CNTLN: variants seen among roughly 807,000 people sequenced by gnomAD.
CNTLN encodes centlein.
Under a neutral mutation model 180.0 loss-of-function variants are expected in CNTLN, and 212 were observed. The observed-to-expected ratio is 1.18, with a 90% confidence interval of 1.05 to 1.32. The LOEUF is 1.32. CNTLN is among the 40% of genes most tolerant of loss of function. The pLI, the probability that CNTLN is intolerant of heterozygous loss-of-function variation, is 0.00. For synonymous variants in CNTLN, 722 were observed against 563.1 expected, an observed-to-expected ratio of 1.28 and a Z score of -3.99; for missense variants, 2,095 against 1,610.9, an observed-to-expected ratio of 1.30 and a Z score of -5.14.
chr9:17,420,835 A>G (rs1321511555), intron 18 of CNTLN, among the ~76,000 whole-genome samples: 2 of 152,266 alleles, frequency 1.3e-5, no homozygotes, highest in Non-Finnish European at 2.9e-5. Flanking sequence ...ATTCAGGAAC[A>G]TATTGTGTAA....
At chr9:17,276,555 C>G (rs760713408) in intron 6 of CNTLN, among the ~76,000 whole-genome samples, 1 of 151,934 alleles carries the variant, frequency 6.6e-6, no homozygotes, top group Non-Finnish European at 1.5e-5. Flanking sequence ...CCATGTCACC[C>G]ATTGTGCTAA....
chr9:17,352,619 C>G (rs1320899904), intron 12 of CNTLN, among the ~76,000 whole-genome samples: 1 of 152,044 alleles, frequency 6.6e-6, no homozygotes, highest in Admixed American at 6.6e-5. Flanking sequence ...AGTGCATTCA[C>G]AGTGTTGTTT....
chr9:17,359,556 T>C (rs1564026918), intron 12 of CNTLN, among the ~76,000 whole-genome samples: 1 of 149,964 alleles, frequency 6.7e-6, no homozygotes, highest in Non-Finnish European at 1.5e-5. Flanking sequence ...AATAGAAAAA[T>C]GAGCAAAACA....
At chr9:17,232,395 T>C (rs1446405247) in intron 3 of CNTLN, among the ~76,000 whole-genome samples, 1 of 152,014 alleles carries the variant, frequency 6.6e-6, no homozygotes, top group Admixed American at 6.6e-5. Flanking sequence ...TGAATTACTA[T>C]TATAAGTTCA....
At chr9:17,258,070 G>A (rs1826647371) in intron 5 of CNTLN, among the ~76,000 whole-genome samples, 1 of 150,558 alleles carries the variant, frequency 6.6e-6, no homozygotes, top group South Asian at 2.1e-4. Context: ...TGTCCTGAAT[G>A]GTATTGCCTA....
intron 25 of CNTLN, among the ~76,000 whole-genome samples, chr9:17,502,012 G>A (rs1208574987): frequency 1.3e-5 from 2 of 152,162 alleles, no homozygotes; most frequent in Non-Finnish European, 2.9e-5. Context: ...TGCAACATGT[G>A]TATTACACTT....
intron 24 of CNTLN, 100 bp downstream of exon 24, chr9:17,484,580 G>A: frequency 1.0e-6 from 1 of 977,016 alleles, no homozygotes; most frequent in East Asian, 2.9e-5. Context: ...TCATCTTTAA[G>A]AGAGTGTTAA....
the CNTLN span, among the ~76,000 whole-genome samples, chr9:17,526,588 C>T: frequency 6.6e-6 from 1 of 152,096 alleles, no homozygotes; most frequent in Admixed American, 6.5e-5. Context: ...TCTAAATTCA[C>T]AAATATTTTT....
chr9:17,252,038 T>G (rs1826175040), intron 5 of CNTLN, among the ~76,000 whole-genome samples: 1 of 151,930 alleles, frequency 6.6e-6, no homozygotes, highest in South Asian at 2.1e-4. Flanking sequence ...TTCAGTTCCA[T>G]CCATGCTACT....
intron 5 of CNTLN, among the ~76,000 whole-genome samples, chr9:17,251,248 T>C (rs1456011603): frequency 6.6e-6 from 1 of 151,998 alleles, no homozygotes; most frequent in Admixed American, 6.6e-5. Flanking sequence ...TTGTTGATCT[T>C]ACTTGGAGTT....
At chr9:17,222,772 T>C (rs1380804311) in intron 2 of CNTLN, among the ~76,000 whole-genome samples, 1 of 152,074 alleles carries the variant, frequency 6.6e-6, no homozygotes, top group Non-Finnish European at 1.5e-5. Flanking sequence ...TACTTGATCA[T>C]TCCTTTCTAC....
intron 6 of CNTLN, among the ~76,000 whole-genome samples, chr9:17,295,987 AGAGAGAGAGAGTGTGTGTGTGTGTGT>A (rs61608273): frequency 0.14 from 17,229 of 123,824 alleles, 1,056 homozygotes; most frequent in South Asian, 0.36. Flanking sequence ...AGAGAGAGAG[AGAGAGAGAGAGTGTGTGTGTGTGTGT>A]GTGTGTGTGT....
intron 22 of CNTLN, 75 bp downstream of exon 22, chr9:17,466,193 T>A (rs1831737684): frequency 7.3e-7 from 1 of 1,376,024 alleles, no homozygotes; most frequent in African/African-American, 1.5e-5. Context: ...ACATTGTTGC[T>A]TTTTCCTTCC....
chr9:17,174,936 A>C (rs1406809231), intron 2 of CNTLN, among the ~76,000 whole-genome samples: 1 of 152,170 alleles, frequency 6.6e-6, no homozygotes, highest in African/African-American at 2.4e-5. Flanking sequence ...TTCATTTGCC[A>C]TCTGAATGTC....
chr9:17,389,879 C>T (rs1825963230), intron 14 of CNTLN, among the ~76,000 whole-genome samples: 1 of 151,916 alleles, frequency 6.6e-6, no homozygotes, highest in Admixed American at 6.6e-5. Context: ...GAGATAGGGT[C>T]CTTAAAGAGG....
rs1588126852 is a variant in CNTLN, at chr9:17,502,791, A to G, written c.*139A>G. 1 of 408,450 alleles carries G rather than the reference A, an allele frequency of 2.4e-6. No homozygotes were observed. The highest frequency in any genetic ancestry group is 2.1e-5 in the African/African-American group (1 of 47,914). 25.3% of individuals were successfully genotyped at this position (408,450 alleles called of 1,614,324 possible). A position where few individuals can be genotyped will look rare whatever the true frequency, so the allele number is the denominator to read the frequency against. ...AATACCAAAATAAGAAGTCTCTGAA[A>G]ATAATTAATTGCTGAACAAGTGAAA... On this transcript the variant is annotated 3_prime_UTR_variant, in exon 26 of 26. Transcript: ENST00000380647.
intron 13 of CNTLN, 137 bp from the exon 14 acceptor site, chr9:17,388,025 T>G: frequency 2.2e-6 from 1 of 452,276 alleles, no homozygotes; most frequent in Non-Finnish European, 3.9e-6. Flanking sequence ...ATTGTTTAGT[T>G]ACTGGCCAAA....
chr9:17,438,468 G>C (rs1829911833), intron 18 of CNTLN, among the ~76,000 whole-genome samples: 1 of 152,114 alleles, frequency 6.6e-6, no homozygotes, highest in Non-Finnish European at 1.5e-5. Context: ...TGAGTAGAAA[G>C]TTGATGATAG....
intron 8 of CNTLN, among the ~76,000 whole-genome samples, chr9:17,323,506 T>C: frequency 6.6e-6 from 1 of 152,324 alleles, no homozygotes; most frequent in Non-Finnish European, 1.5e-5. Flanking sequence ...CATCTTACTA[T>C]GGCTATGTGT....
Sources: gnomAD v4.1 joint callset for allele counts (sites outside exome capture counted in the v4.1 genomes callset) on GRCh38, gnomAD v4.1.1 for gene constraint, MANE v1.5 for transcripts, NCBI Gene and HGNC (gene_info 2026-07-23, HGNC 2026-07-21) for gene names.